Variants in GRIK1 observed in about 807,000 individuals in gnomAD.
The protein encoded by GRIK1 is glutamate receptor ionotropic, kainate 1.
Under a neutral mutation model 105.7 loss-of-function variants are expected in GRIK1, and 69 were observed. The observed-to-expected ratio is 0.65, with a 90% confidence interval of 0.54 to 0.80. The LOEUF (loss-of-function observed/expected upper bound fraction) is 0.80. Among genes scored for constraint, GRIK1 ranks in the 30% least tolerant of loss-of-function variants. The pLI is 0.00. For synonymous variants in GRIK1, 438 were observed against 431.3 expected (o/e 1.02, Z -0.19); for missense variants, 1,109 against 1,167.3 (o/e 0.95, Z 0.73).
intron 11 of GRIK1, among the ~76,000 whole-genome samples, chr21:29,587,990 T>TTTTTG (rs1491321446): frequency 2.1e-4 from 27 of 131,282 alleles, no homozygotes; most frequent in Admixed American, 5.1e-4. Flanking sequence ...TTTTTTTTTT[T>TTTTTG]GTGAGGCGGA....
At chr21:29,822,600 C>T (rs1164231895) in intron 1 of GRIK1, among the ~76,000 whole-genome samples, 2 of 152,004 alleles carry the variant, frequency 1.3e-5, no homozygotes, top group Non-Finnish European at 2.9e-5. Flanking sequence ...GTTACATGCA[C>T]ATCTTCTAGG....
chr21:29,924,349 G>T (rs1045954184), intron 1 of GRIK1, among the ~76,000 whole-genome samples: 1 of 146,526 alleles, frequency 6.8e-6, no homozygotes, highest in African/African-American at 2.6e-5. Context: ...AAAAAAAAAA[G>T]AAAAAAAAGA....
At chr21:29,934,151 T>C (rs2071667151) in intron 1 of GRIK1, among the ~76,000 whole-genome samples, 1 of 152,154 alleles carries the variant, frequency 6.6e-6, no homozygotes, top group Admixed American at 6.5e-5. Flanking sequence ...TAGGCATAGG[T>C]AGGTAGTGAG....
At chr21:29,568,286 C>CCAACATAAGCTAGGAACTCTTATGTGA (rs2090658240) in intron 14 of GRIK1, among the ~76,000 whole-genome samples, 1 of 152,176 alleles carries the variant, frequency 6.6e-6, no homozygotes, top group South Asian at 2.1e-4. Context: ...CCTTCCTATG[C>CCAACATAAGCTAGGAACTCTTATGTGA]AGAGTATTTG....
At chr21:29,822,009 G>A (rs981355741) in intron 1 of GRIK1, among the ~76,000 whole-genome samples, 2 of 150,966 alleles carry the variant, frequency 1.3e-5, no homozygotes, top group African/African-American at 2.4e-5. Flanking sequence ...GTTCAAACTT[G>A]TGTTGTTCAA....
intron 1 of GRIK1, among the ~76,000 whole-genome samples, chr21:29,880,051 A>G (rs2069346662): frequency 6.6e-6 from 1 of 152,160 alleles, no homozygotes; most frequent in African/African-American, 2.4e-5. Flanking sequence ...GTTTCAGAAT[A>G]CGATTTGTAT....
In GRIK1 at chr21:29,939,467, G is replaced by A; in HGVS notation, c.34C>T (p.Leu12Phe). The A allele has an allele frequency of 6.3e-7, 1 of 1,599,832 alleles. No homozygotes were observed. Among genetic ancestry groups the A allele is most frequent in the Non-Finnish European group, 8.5e-7 (1 of 1,172,952 alleles). The change falls in exon 1 of 18, where the codon CTC (leucine) becomes TTC (phenylalanine). Residue 12 changes from leucine to phenylalanine, a missense_variant. By Grantham distance (22) the Leu-to-Phe change is conservative (BLOSUM62 0). Transcript: ENST00000327783. ...EHGTLLAQPG[L>F]WTRDTSWALL... ...GCCCAGCTGGTGTCCCTGGTCCAGA[G>A]CCCGGGCTGGGCGAGGAGTGTGCCG...
At chr21:29,805,520 G>A (rs1212708605) in intron 1 of GRIK1, among the ~76,000 whole-genome samples, 1 of 152,166 alleles carries the variant, frequency 6.6e-6, no homozygotes, top group Non-Finnish European at 1.5e-5. Flanking sequence ...AAATTTTGAA[G>A]ACTAAGAAGA....
Position 29,742,512 on chromosome 21 carries a change from C to T in GRIK1, c.119-48449G>A, listed in dbSNP as rs148042854. Among the ~76,000 whole-genome samples the T allele has an allele frequency of 3.2e-3, 482 of 152,306 alleles. 2 individuals carry two copies. Among genetic ancestry groups the T allele is most frequent in the Non-Finnish European group, 4.0e-3 (272 of 68,020 alleles). ...AAGAGCCTAGCTCCGTCTGAACTCA[C>T]GGAACATTAATCAATGCTGAATAAT... On this transcript the variant is annotated intron_variant, in intron 1 of 17. Transcript: ENST00000327783.
In GRIK1 at chr21:29,642,914, C is replaced by T. The variant is rs140284503; in HGVS notation, c.1010G>A (p.Arg337Gln). 3.7e-5 allele frequency: 59 copies of T among 1,613,736 alleles called. No homozygotes were observed. Among genetic ancestry groups the T allele is most frequent in the Non-Finnish European group, 4.5e-5 (53 of 1,179,754 alleles). ...GGAGCTGACGGTCAGCTGGGATGCC[C>T]GGTGCGAGGCAATGGCCACCATGTA... The part of the protein sequence containing the change: ...AVYMVAIASH[R>Q]ASQLTVSSLQ... Residue 337 changes from arginine (R) to glutamine (Q), a missense_variant, in exon 7 of 18, where the codon CGG becomes CAG. Arg to Gln is a conservative substitution (Grantham distance 43, BLOSUM62 1). Coordinates refer to ENST00000327783, the MANE Select transcript of GRIK1 (RefSeq NM_001330994.2).
At chr21:29,604,288 T>A (rs1460439916) in intron 7 of GRIK1, among the ~76,000 whole-genome samples, 1 of 152,196 alleles carries the variant, frequency 6.6e-6, no homozygotes, top group Non-Finnish European at 1.5e-5. Flanking sequence ...GCCTCAAATA[T>A]CTACATAGAC....
intron 7 of GRIK1, among the ~76,000 whole-genome samples, chr21:29,629,488 T>G (rs1368632643): frequency 1.3e-5 from 2 of 150,096 alleles, no homozygotes; most frequent in South Asian, 4.2e-4. Flanking sequence ...AGTTCAATTT[T>G]CTTTCTTTCT....
At chr21:29,844,407 T>G (rs751068052) in intron 1 of GRIK1, among the ~76,000 whole-genome samples, 21 of 152,150 alleles carry the variant, frequency 1.4e-4, no homozygotes, top group Non-Finnish European at 2.8e-4. Flanking sequence ...AAGCCCCAAG[T>G]TTTGACTGCT....
At chr21:29,787,309 T>C (rs2066284637) in intron 1 of GRIK1, among the ~76,000 whole-genome samples, 1 of 152,248 alleles carries the variant, frequency 6.6e-6, no homozygotes, top group Non-Finnish European at 1.5e-5. Flanking sequence ...TTTTCAAAGA[T>C]ATTAGATAAC....
intron 14 of GRIK1, among the ~76,000 whole-genome samples, chr21:29,574,650 G>A (rs1039989024): frequency 6.7e-6 from 1 of 148,666 alleles, no homozygotes; most frequent in Non-Finnish European, 1.5e-5. Context: ...CAATCACCAT[G>A]CTTTACACAT....
intron 1 of GRIK1, among the ~76,000 whole-genome samples, chr21:29,806,344 T>G (rs1217604892): frequency 6.6e-6 from 1 of 152,022 alleles, no homozygotes; most frequent in African/African-American, 2.4e-5. Flanking sequence ...ATTATCCAAT[T>G]AAGTTACAAA....
Position 29,796,587 on chromosome 21 carries a change from C to T in GRIK1, c.119-102524G>A, listed in dbSNP as rs576410666. Among the ~76,000 whole-genome samples the T allele has an allele frequency of 1.8e-4, 27 of 152,098 alleles. No homozygotes were observed. In the South Asian group the frequency reaches 3.5e-3, roughly 20 times the overall value. ...CTGATCTCTATTATAAGAAGTGCAG[C>T]GTATCTGTTTTTTTCTTGGTTTCCA... On this transcript the variant is annotated intron_variant, in intron 1 of 17. Coordinates refer to ENST00000327783, the MANE Select transcript of GRIK1 (RefSeq NM_001330994.2).
intron 16 of GRIK1, among the ~76,000 whole-genome samples, chr21:29,543,328 A>C (rs1839238735): frequency 6.6e-6 from 1 of 152,202 alleles, no homozygotes; most frequent in African/African-American, 2.4e-5. Context: ...CAACATAGAG[A>C]CTTGTACAGT....
intron 3 of GRIK1, among the ~76,000 whole-genome samples, chr21:29,676,778 A>C (rs2063276100): frequency 6.6e-6 from 1 of 152,106 alleles, no homozygotes; most frequent in Non-Finnish European, 1.5e-5. Flanking sequence ...ACTGACCTGG[A>C]CTCTTTAAAA....
Sources: gnomAD v4.1 joint callset for allele counts (sites outside exome capture counted in the v4.1 genomes callset) on GRCh38, gnomAD v4.1.1 for gene constraint, MANE v1.5 for transcripts, NCBI Gene and HGNC (gene_info 2026-07-23, HGNC 2026-07-21) for gene names.